Variants in GTF2A1L observed in about 807,000 individuals in gnomAD.
GTF2A1L encodes the protein TFIIA-alpha and beta-like factor.
GTF2A1L carries 48 observed loss-of-function variants against 49.7 expected under a neutral mutation model. The observed-to-expected ratio is 0.97, with a 90% CI of 0.77 to 1.23. The LOEUF (loss-of-function observed/expected upper bound fraction) is 1.23, where lower values mean the gene tolerates loss of function less well. Ranked by LOEUF, GTF2A1L falls within the 50% of genes most tolerant of loss-of-function variation. The pLI is 0.00. For missense variants in GTF2A1L, 736 were observed against 564.8 expected (o/e 1.30, Z -3.07); for synonymous variants, 246 against 193.5 (o/e 1.27, Z -2.25).
chr2:48,673,477 C>G (rs896375719), intron 8 of GTF2A1L, among the ~76,000 whole-genome samples: 8 of 151,480 alleles, frequency 5.3e-5, no homozygotes, highest in African/African-American at 1.9e-4. Context: ...ATCTTCCTGC[C>G]TCAGCCTCCC....
intron 6 of GTF2A1L, among the ~76,000 whole-genome samples, chr2:48,659,536 G>A (rs1252503503): frequency 2.6e-5 from 4 of 152,002 alleles, no homozygotes; most frequent in African/African-American, 9.7e-5. Flanking sequence ...GATAGAGATT[G>A]TGTTGGCTCT....
intron 3 of GTF2A1L, among the ~76,000 whole-genome samples, chr2:48,631,776 T>G (rs531778879): frequency 6.6e-6 from 1 of 152,304 alleles, no homozygotes; most frequent in South Asian, 2.1e-4. Context: ...CTTTCCAACT[T>G]TTTGTGGTAG....
At position 48,657,947 on chromosome 2, in the gene GTF2A1L, T is replaced by A. The variant is rs1678272846; in HGVS notation, c.978+10905T>A. 2.0e-5 allele frequency among the ~76,000 whole-genome samples: 3 copies of A among 152,126 alleles called. No individual in the cohort carries two copies. In the South Asian group the frequency reaches 6.2e-4, roughly 32 times the overall value. ...CATATCATTTGCCTACTTTTTAACG[T>A]GGTCATTTGATTTTTGCTTGTTGAA... On this transcript the variant is annotated intron_variant, in intron 6 of 8. Coordinates refer to ENST00000403751, the MANE Select transcript of GTF2A1L (RefSeq NM_006872.5).
Position 48,628,790 on chromosome 2 carries a change from A to T in GTF2A1L, c.247+7500A>T, listed in dbSNP as rs542249800. Among the ~76,000 whole-genome samples, 62 of 144,044 alleles carry T rather than the reference A, an allele frequency of 4.3e-4. 12 individuals are homozygous for T. In the South Asian group the frequency reaches 4.5e-3, roughly 10 times the overall value. 94.5% of individuals were successfully genotyped at this position (144,044 alleles called of 152,430 possible). A position where few individuals can be genotyped will look rare whatever the true frequency, so the allele number is the denominator to read the frequency against. On this transcript the variant is annotated intron_variant, in intron 3 of 8. Coordinates refer to ENST00000403751, the MANE Select transcript of GTF2A1L (RefSeq NM_006872.5). ...GAATTTAGTTATAAATTATTTTCCA[A>T]GGCCGATTTCTAGAATGGTGTTTCC...
At chr2:48,635,034 A>T (rs145878701) in intron 3 of GTF2A1L, among the ~76,000 whole-genome samples, 1 of 152,202 alleles carries the variant, frequency 6.6e-6, no homozygotes, top group South Asian at 2.1e-4. Context: ...TTCTCTGCAC[A>T]GTGATGAGGG....
intron 6 of GTF2A1L, among the ~76,000 whole-genome samples, chr2:48,656,032 A>G (rs1407333688): frequency 6.6e-6 from 1 of 152,220 alleles, no homozygotes; most frequent in Non-Finnish European, 1.5e-5. Context: ...TTTAAGGTGA[A>G]TAATATCTCA....
intron 6 of GTF2A1L, among the ~76,000 whole-genome samples, chr2:48,663,472 AACTT>A (rs1483594329): frequency 6.6e-6 from 1 of 152,094 alleles, no homozygotes; most frequent in African/African-American, 2.4e-5. Context: ...TCAAAACTGA[AACTT>A]AATCCTTCAA....
In GTF2A1L at chr2:48,645,083, T is replaced by C. The variant is rs1489257369; in HGVS notation, c.354T>C (p.His118=). The stretch of plus-strand genomic sequence containing the variant: ...TTACTTTTCCTGGTTATCCCATTCA[T>C]GTACCAGCAGGTGTGACACTACAGA... ...ANFTFPGYPI[H]VPAGVTLQTV... Residue 118 remains histidine, a synonymous_variant, in exon 5 of 9, where the codon CAT becomes CAC. Transcript: ENST00000403751. The C allele has an allele frequency of 6.2e-7, 1 of 1,612,930 alleles. No individual in the cohort carries two copies. The highest frequency in any genetic ancestry group is 1.1e-5 in the South Asian group (1 of 90,792).
chr2:48,653,499 A>G (rs919898184), intron 6 of GTF2A1L, among the ~76,000 whole-genome samples: 1 of 152,150 alleles, frequency 6.6e-6, no homozygotes, highest in South Asian at 2.1e-4. Context: ...AGAATATTAG[A>G]CACTATCATG....
At chr2:48,625,694 C>G (rs1055617697) in intron 3 of GTF2A1L, among the ~76,000 whole-genome samples, 1 of 142,838 alleles carries the variant, frequency 7.0e-6, no homozygotes, top group African/African-American at 2.5e-5. Context: ...TTGATCCTCT[C>G]ACCTCGACTT....
rs1344507640 is a variant in GTF2A1L at position 48,669,824 on chromosome 2, A to C, written c.1081A>C (p.Ile361Leu). The change falls in exon 7 of 9, where the codon ATA becomes CTA. Residue 361 changes from isoleucine (I) to leucine (L), a missense_variant. Transcript: ENST00000403751. Reference protein sequence around the residue: ...GSGDTSSNEEIGSTRDADENE... With the variant: ...GSGDTSSNEELGSTRDADENE... ...CGGTGATACATCTTCCAATGAAGAA[A>C]TAGGAAGTACAAGAGATGCAGATGA... The C allele has an allele frequency of 1.9e-6, 3 of 1,614,092 alleles. No homozygotes were observed. The Admixed American group carries it at 5.0e-5, about 27-fold the overall frequency.
chr2:48,650,251 C>T (rs894983835), intron 6 of GTF2A1L, among the ~76,000 whole-genome samples: 1 of 151,944 alleles, frequency 6.6e-6, no homozygotes, highest in African/African-American at 2.4e-5. Flanking sequence ...TCTAGAATTA[C>T]GTTTATTTGG....
At chr2:48,643,844 G>A (rs148570773) in intron 4 of GTF2A1L, among the ~76,000 whole-genome samples, 1,922 of 151,698 alleles carry the variant, frequency 0.013, 48 homozygotes, top group African/African-American at 0.044. Flanking sequence ...GATTACAGAC[G>A]CCCGCCACCA....
At chr2:48,661,208 A>G (rs1678472566) in intron 6 of GTF2A1L, among the ~76,000 whole-genome samples, 1 of 131,460 alleles carries the variant, frequency 7.6e-6, no homozygotes, top group African/African-American at 3.0e-5. Context: ...GTAAGCACTT[A>G]TACATGTCCC....
intron 1 of GTF2A1L, 23 bp from the exon 2 acceptor site, chr2:48,620,828 C>G (rs1675949832): frequency 2.6e-6 from 3 of 1,148,998 alleles, no homozygotes; most frequent in Non-Finnish European, 2.3e-6. Context: ...TAAAATGAAA[C>G]TTTAACAATT....
At chr2:48,667,278 G>A (rs1175000589) in intron 6 of GTF2A1L, among the ~76,000 whole-genome samples, 2 of 152,052 alleles carry the variant, frequency 1.3e-5, no homozygotes, top group African/African-American at 4.8e-5. Context: ...TTGATTGAAT[G>A]TCAGACATCT....
At chr2:48,631,071 A>T (rs533623985) in intron 3 of GTF2A1L, among the ~76,000 whole-genome samples, 3 of 152,170 alleles carry the variant, frequency 2.0e-5, no homozygotes, top group South Asian at 4.1e-4. Context: ...ATGTTGGCCT[A>T]TACTTTTCTT....
At chr2:48,634,844 G>A (rs1676795641) in intron 3 of GTF2A1L, among the ~76,000 whole-genome samples, 1 of 152,086 alleles carries the variant, frequency 6.6e-6, no homozygotes, top group South Asian at 2.1e-4. Flanking sequence ...CTTTAGCATT[G>A]ACCTTTGACA....
intron 6 of GTF2A1L, among the ~76,000 whole-genome samples, chr2:48,659,100 T>C (rs1313622688): frequency 6.6e-6 from 1 of 152,096 alleles, no homozygotes; most frequent in Non-Finnish European, 1.5e-5. Context: ...CTTGACTTTT[T>C]TCTCTAGTTG....
Sources: gnomAD v4.1 joint callset for allele counts (sites outside exome capture counted in the v4.1 genomes callset) on GRCh38, gnomAD v4.1.1 for gene constraint, MANE v1.5 for transcripts, NCBI Gene and HGNC (gene_info 2026-07-23, HGNC 2026-07-21) for gene names.